The following PTCHD4 variants were observed in gnomAD, a reference collection of about 807,000 sequenced individuals.
PTCHD4 encodes patched domain containing 4.
Under a neutral mutation model 58.1 loss-of-function variants are expected in PTCHD4, and 33 were observed. That is an observed-to-expected ratio of 0.57 (90% CI 0.43 to 0.76). PTCHD4 has a LOEUF of 0.76. Among genes scored for constraint, PTCHD4 ranks in the 30% least tolerant of loss-of-function variants. The pLI, the probability that PTCHD4 is intolerant of heterozygous loss-of-function variation, is 0.00. For missense variants in PTCHD4, 1,058 were observed against 1,027.1 expected (o/e 1.03, Z -0.41); for synonymous variants, 478 against 409.6 (o/e 1.17, Z -2.02).
At chr6:47,926,708 A>T (rs574514386) in intron 4 of PTCHD4, among the ~76,000 whole-genome samples, 1 of 152,218 alleles carries the variant, frequency 6.6e-6, no homozygotes, top group African/African-American at 2.4e-5. Flanking sequence ...AAGAACATAG[A>T]TCTGAATTTG....
chr6:47,997,982 GA>G (rs150682049), intron 4 of PTCHD4, among the ~76,000 whole-genome samples: 19,299 of 152,048 alleles, frequency 0.13, 1,496 homozygotes, highest in South Asian at 0.21. Context: ...TTTTTCTTCA[GA>G]AAAACAATGG....
intron 3 of PTCHD4, among the ~76,000 whole-genome samples, chr6:48,055,272 A>G (rs1363839389): frequency 6.6e-6 from 1 of 152,126 alleles, no homozygotes; most frequent in Non-Finnish European, 1.5e-5. Flanking sequence ...AAGACATGCA[A>G]CCTATGATGA....
chr6:47,950,461 G>T (rs931188895), intron 4 of PTCHD4, among the ~76,000 whole-genome samples: 1 of 152,028 alleles, frequency 6.6e-6, no homozygotes, highest in Non-Finnish European at 1.5e-5. Context: ...GAGATGAAAA[G>T]GTTACATAGA....
chr6:47,982,216 A>G (rs1767904253), intron 4 of PTCHD4, among the ~76,000 whole-genome samples: 1 of 152,080 alleles, frequency 6.6e-6, no homozygotes, highest in Non-Finnish European at 1.5e-5. Flanking sequence ...TTTGTAAAGG[A>G]GGGGAGCTAT....
At chr6:47,981,330 C>T (rs1767876096) in intron 4 of PTCHD4, among the ~76,000 whole-genome samples, 1 of 151,956 alleles carries the variant, frequency 6.6e-6, no homozygotes, top group Admixed American at 6.6e-5. Context: ...TTTGTTGCTT[C>T]CAAAGCAGCT....
intron 4 of PTCHD4, among the ~76,000 whole-genome samples, chr6:47,891,762 T>C (rs1198787528): frequency 6.6e-6 from 1 of 152,136 alleles, no homozygotes; most frequent in East Asian, 1.9e-4. Context: ...GGCGTGGGTT[T>C]TTCCTCATTG....
At position 47,939,649 on chromosome 6, in the gene PTCHD4, A is replaced by G. The variant is rs138465904; in HGVS notation, c.899-59713T>C. Among the ~76,000 whole-genome samples, 49 of 152,166 alleles carry G rather than the reference A, an allele frequency of 3.2e-4. No homozygotes were observed. In the East Asian group the frequency reaches 8.7e-3, roughly 27 times the overall value. On this transcript the variant is annotated intron_variant, in intron 4 of 4. Coordinates refer to ENST00000339488, the MANE Select transcript of PTCHD4 (RefSeq NM_001384253.1). ...CAACGTGACCTTGCACCAGTTGGTT[A>G]CCTTTGTGTATCTGTTTCCTCATCT...
At chr6:48,078,343 T>C (rs1247024401) in intron 1 of PTCHD4, among the ~76,000 whole-genome samples, 3 of 152,122 alleles carry the variant, frequency 2.0e-5, no homozygotes, top group East Asian at 1.9e-4. Flanking sequence ...AGCTTTGGCA[T>C]TGGTCTGGAA....
chr6:48,009,173 C>A, intron 3 of PTCHD4, 59 bp from the exon 4 acceptor site: 1 of 1,501,442 alleles, frequency 6.7e-7, no homozygotes, highest in South Asian at 1.4e-5. Flanking sequence ...GGAATAGATT[C>A]TTACTCTAAG....
intron 4 of PTCHD4, among the ~76,000 whole-genome samples, chr6:47,944,889 A>G (rs1766358128): frequency 6.6e-6 from 1 of 152,142 alleles, no homozygotes; most frequent in African/African-American, 2.4e-5. Flanking sequence ...GAGAAATTAT[A>G]ATAAAGTATG....
chr6:48,037,843 C>T (rs772765333), intron 3 of PTCHD4, among the ~76,000 whole-genome samples: 2 of 150,614 alleles, frequency 1.3e-5, no homozygotes, highest in Non-Finnish European at 3.0e-5. Flanking sequence ...AAGACCTTCA[C>T]GAATCCATAA....
chr6:47,890,904 C>A, intron 4 of PTCHD4: 1 of 984,512 alleles, frequency 1.0e-6, no homozygotes, highest in African/African-American at 1.7e-5. Flanking sequence ...CCATGCTTTT[C>A]AAGTTTTCGA....
rs1245905514 is a variant in PTCHD4, at chr6:48,068,568, A to T, written c.79T>A (p.Phe27Ile). 7 of 1,586,478 alleles carry T rather than the reference A, an allele frequency of 4.4e-6. No homozygotes were observed. The highest frequency in any genetic ancestry group is 1.3e-5 in the African/African-American group (1 of 74,464). Reference sequence around the variant, plus strand: ...ACGCACAAACCCAGCCTGTGGCAGAACGACTGGAGCCCTCTGCGAAGCACC... The same window carrying T: ...ACGCACAAACCCAGCCTGTGGCAGATCGACTGGAGCCCTCTGCGAAGCACC... ...RQVLRRGLQS[F>I]CHRLGLCVSR... Residue 27 changes from phenylalanine (F) to isoleucine (I), a missense_variant, in exon 3 of 5, where the codon TTC becomes ATC. By Grantham distance (21) the Phe-to-Ile change is conservative. Transcript: ENST00000339488. The surrounding 1 kb of genome is among the most constrained non-coding windows in gnomAD (Gnocchi z 4.2).
At chr6:48,072,432 G>A (rs960645191) in intron 1 of PTCHD4, among the ~76,000 whole-genome samples, 6 of 151,992 alleles carry the variant, frequency 3.9e-5, no homozygotes. Context: ...ATTACTGTGG[G>A]GTATTTTCTT....
chr6:48,102,548 G>A (rs945918911), intron 1 of PTCHD4, among the ~76,000 whole-genome samples: 4 of 152,316 alleles, frequency 2.6e-5, no homozygotes, highest in East Asian at 1.9e-4. Context: ...TGCAGAAGAC[G>A]GGTGATTTCT....
chr6:47,879,302 G>T lies in PTCHD4; in HGVS notation c.1533C>A (p.Asn511Lys). 1 of 1,612,818 alleles carries T rather than the reference G, an allele frequency of 6.2e-7. No homozygotes were observed. The highest frequency in any genetic ancestry group is 8.5e-7 in the Non-Finnish European group (1 of 1,179,426). Residue 511 changes from asparagine (N) to lysine (K), a missense_variant, in exon 5 of 5, where the codon AAC becomes AAA. Coordinates refer to ENST00000339488, the MANE Select transcript of PTCHD4 (RefSeq NM_001384253.1). ...YAMVQQKYFS[N>K]YSPVIGFYVY... ...CGTAGAATCCTATCACAGGGCTATA[G>T]TTGCTGAAATATTTCTGCTGAACCA...
intron 4 of PTCHD4, among the ~76,000 whole-genome samples, chr6:47,949,078 A>G (rs1172711684): frequency 6.6e-6 from 1 of 152,208 alleles, no homozygotes. Context: ...ATATAAATGC[A>G]TATTTCTTAG....
intron 3 of PTCHD4, among the ~76,000 whole-genome samples, chr6:48,059,486 A>T (rs1317624603): frequency 6.6e-6 from 1 of 152,024 alleles, no homozygotes; most frequent in African/African-American, 2.4e-5. Context: ...TAAAAATACA[A>T]AAATTAGCTG....
In PTCHD4 at chr6:47,862,670, C is replaced by T. The variant is rs1763457043; in HGVS notation, c.*15633G>A. Among the ~76,000 whole-genome samples, 1 of 151,664 alleles carries T rather than the reference C, an allele frequency of 6.6e-6. No homozygotes were observed. Among genetic ancestry groups the T allele is most frequent in the Non-Finnish European group, 1.5e-5 (1 of 67,790 alleles). ...AATTCATGCTGATGAATCATTTTTC[C>T]TTAAGTATTCTTTTCTTCTATTAGG... On this transcript the variant is annotated 3_prime_UTR_variant, in exon 5 of 5. Transcript: ENST00000339488.
Sources: gnomAD v4.1 joint callset for allele counts (sites outside exome capture counted in the v4.1 genomes callset) on GRCh38, gnomAD v4.1.1 for gene constraint, Gnocchi (gnomAD v3.1) non-coding constraint, MANE v1.5 for transcripts, NCBI Gene and HGNC (gene_info 2026-07-23, HGNC 2026-07-21) for gene names.